The following TMEM132E variants were observed in gnomAD, a reference collection of about 807,000 sequenced individuals.
TMEM132E encodes transmembrane protein 132E.
TMEM132E carries 49 observed loss-of-function variants against 78.5 expected under a neutral mutation model. The observed-to-expected ratio is 0.62, with a 90% CI of 0.50 to 0.79. TMEM132E has a LOEUF of 0.79. TMEM132E is among the 30% of genes least tolerant of loss of function. The pLI is 0.00. For missense variants in TMEM132E, 1,403 were observed against 1,470.9 expected (o/e 0.95, Z 0.75); for synonymous variants, 715 against 670.6 (o/e 1.07, Z -1.02).
intron 1 of TMEM132E, among the ~76,000 whole-genome samples, chr17:34,608,883 G>A (rs1472526576): frequency 1.3e-5 from 2 of 152,184 alleles, no homozygotes; most frequent in African/African-American, 4.8e-5. Flanking sequence ...AGAAGGCTAA[G>A]GACAGTAAAG....
intron 1 of TMEM132E, among the ~76,000 whole-genome samples, chr17:34,613,235 A>G (rs1248849108): frequency 8.2e-6 from 1 of 121,682 alleles, no homozygotes; most frequent in Non-Finnish European, 1.8e-5. Context: ...GCGTTCTTAC[A>G]TTCTTTTTCC....
At position 34,626,795 on chromosome 17, in the gene TMEM132E, G is replaced by A. The variant is rs2142079804; in HGVS notation, c.736G>A (p.Gly246Arg). ...LHAPDASGGC[G>R]GSRRGAGPGV... is the part of the protein sequence containing the mutation. ...CGCCCCTGATGCGTCGGGGGGCTGC[G>A]GGGGCTCCCGCCGGGGGGCCGGGCC... The change falls in exon 2 of 9, where the codon GGG (glycine) becomes AGG (arginine). Residue 246 changes from glycine (G) to arginine (R), a missense_variant. Gly to Arg is a moderately radical substitution (Grantham distance 125). Coordinates refer to ENST00000631683, the MANE Select transcript of TMEM132E (RefSeq NM_001304438.2). 4 of 1,510,340 alleles carry A rather than the reference G, an allele frequency of 2.6e-6. No individual in the cohort carries two copies. The highest frequency in any genetic ancestry group is 2.0e-5 in the Admixed American group (1 of 49,994). 93.6% of individuals were successfully genotyped at this position (1,510,340 alleles called of 1,614,324 possible).
intron 1 of TMEM132E, among the ~76,000 whole-genome samples, chr17:34,584,899 C>T (rs1567709595): frequency 6.6e-6 from 1 of 152,202 alleles, no homozygotes; most frequent in Non-Finnish European, 1.5e-5. Context: ...AACGTGTCCT[C>T]ACCTCCATGA....
In TMEM132E at chr17:34,581,017, C is replaced by T. The variant is rs79263247; in HGVS notation, c.-60C>T. 226,845 of 1,444,540 alleles carry T rather than the reference C, an allele frequency of 0.16. 18,706 individuals carry two copies. Among genetic ancestry groups the T allele is most frequent in the Non-Finnish European group, 0.17 (183,049 of 1,078,040 alleles). The allele number at this position is 1,444,540 out of a possible 1,614,324, so 89.5% of individuals were successfully genotyped here. ...TGAGTTGGATGTGACCAAGCCCAGC[C>T]TGGGGCCAAGTCGTCGTCGACTGTT... On this transcript the variant is annotated 5_prime_UTR_variant, in exon 1 of 9. Coordinates refer to ENST00000631683, the MANE Select transcript of TMEM132E (RefSeq NM_001304438.2).
At chr17:34,583,977 T>C (rs1905580604) in intron 1 of TMEM132E, among the ~76,000 whole-genome samples, 1 of 152,220 alleles carries the variant, frequency 6.6e-6, no homozygotes, top group Non-Finnish European at 1.5e-5. Flanking sequence ...CACTTTCTTG[T>C]ATCTAATATT....
chr17:34,580,221 C>T lies in TMEM132E; in HGVS notation c.-856C>T, dbSNP rs1324431569. The T allele has an allele frequency of 6.6e-6, 1 of 152,394 alleles. No homozygotes were observed. The highest frequency in any genetic ancestry group is 1.5e-5 in the Non-Finnish European group (1 of 68,164). The allele number at this position is 152,394 out of a possible 1,614,324, so 9.4% of individuals were successfully genotyped here. A position where few individuals can be genotyped will look rare whatever the true frequency, so the allele number is the denominator to read the frequency against. Reference sequence around the variant, plus strand: ...GGCAGGGCGCATTAGCCGGCTTTCTCGCTCCCTCGCTTCTCCAAGCCCCAT... The same window carrying T: ...GGCAGGGCGCATTAGCCGGCTTTCTTGCTCCCTCGCTTCTCCAAGCCCCAT... On this transcript the variant is annotated 5_prime_UTR_variant, in exon 1 of 9. Coordinates refer to ENST00000631683, the MANE Select transcript of TMEM132E (RefSeq NM_001304438.2).
Position 34,634,814 on chromosome 17 carries a change from CGAGGATGAGGATGAG to C in TMEM132E, c.1710_1724del (p.Asp570_Glu574del). The stretch of plus-strand genomic sequence containing the variant: ...CCCACCCCAGGTCAGTCCGGGAAAG[CGAGGATGAGGATGAG>C]GAGGAGGAGGAGCGGCGGCAGAGTG... On this transcript the variant is annotated inframe_deletion, in exon 7 of 9. Coordinates refer to ENST00000631683, the MANE Select transcript of TMEM132E (RefSeq NM_001304438.2). 6.2e-7 allele frequency: 1 copy of C among 1,613,260 alleles called. No individual in the cohort carries two copies. The highest frequency in any genetic ancestry group is 8.5e-7 in the Non-Finnish European group (1 of 1,179,598).
intron 1 of TMEM132E, among the ~76,000 whole-genome samples, chr17:34,596,795 CT>C (rs1441769060): frequency 2.2e-5 from 3 of 134,378 alleles, no homozygotes; most frequent in Non-Finnish European, 3.1e-5. Context: ...AAGTCTTCAT[CT>C]TTTCTCTTCT....
intron 1 of TMEM132E, among the ~76,000 whole-genome samples, chr17:34,595,708 G>A (rs147407187): frequency 6.6e-6 from 1 of 152,316 alleles, no homozygotes; most frequent in Admixed American, 6.5e-5. Flanking sequence ...CCGTGTGCCT[G>A]ACTCCCAGGC....
chr17:34,607,753 CT>C (rs113434207), intron 1 of TMEM132E, among the ~76,000 whole-genome samples: 5,540 of 145,152 alleles, frequency 0.038, 296 homozygotes, highest in African/African-American at 0.12. Flanking sequence ...TCAGGAAAAT[CT>C]TTTTTTTTTT....
chr17:34,611,536 G>A lies in TMEM132E; in HGVS notation c.68-14591G>A, dbSNP rs368599639. On this transcript the variant is annotated intron_variant, in intron 1 of 8. Coordinates refer to ENST00000631683, the MANE Select transcript of TMEM132E (RefSeq NM_001304438.2). ...AGACAACTGTCAATCAATCAATATC[G>A]TGCCAAGAGAAACCAAGTATAATAA... is the stretch of plus-strand genomic sequence containing the variant. Among the ~76,000 whole-genome samples the A allele has an allele frequency of 2.0e-5, 3 of 152,164 alleles. No individual in the cohort carries two copies. The East Asian group carries it at 5.8e-4, about 30-fold the overall frequency.
chr17:34,584,288 C>A (rs1382287725), intron 1 of TMEM132E, among the ~76,000 whole-genome samples: 1 of 152,262 alleles, frequency 6.6e-6, no homozygotes, highest in Admixed American at 6.5e-5. Context: ...GCCCCTCCAT[C>A]TGGAATACTT....
At chr17:34,592,539 T>C (rs1597676436) in intron 1 of TMEM132E, among the ~76,000 whole-genome samples, 2 of 152,156 alleles carry the variant, frequency 1.3e-5, no homozygotes, top group Non-Finnish European at 2.9e-5. Flanking sequence ...GCTTGAACCC[T>C]GAAGATCCTG....
intron 5 of TMEM132E, among the ~76,000 whole-genome samples, 187 bp downstream of exon 5, chr17:34,630,338 A>T (rs1907312467): frequency 6.6e-6 from 1 of 151,974 alleles, no homozygotes; most frequent in South Asian, 2.1e-4. Flanking sequence ...CACTGGCCTT[A>T]CTTCATCCCA....
chr17:34,616,568 G>T (rs1052048065), intron 1 of TMEM132E, among the ~76,000 whole-genome samples: 6 of 152,200 alleles, frequency 3.9e-5, no homozygotes, highest in Non-Finnish European at 7.3e-5. Flanking sequence ...TTGGGAATAC[G>T]GTGGAGAGAG....
intron 1 of TMEM132E, among the ~76,000 whole-genome samples, chr17:34,582,946 C>G (rs764743257): frequency 5.9e-5 from 9 of 152,236 alleles, no homozygotes; most frequent in Non-Finnish European, 8.8e-5. Context: ...CCCACCTTCC[C>G]GATCCCTGAG....
intron 1 of TMEM132E, among the ~76,000 whole-genome samples, chr17:34,586,176 A>C (rs1905671168): frequency 6.6e-6 from 1 of 152,158 alleles, no homozygotes; most frequent in Non-Finnish European, 1.5e-5. Context: ...GATGCTAACA[A>C]GTGGAAGAAT....
Position 34,637,597 on chromosome 17 carries a change from G to C in TMEM132E, c.2590G>C (p.Val864Leu). 4 of 1,601,618 alleles carry C rather than the reference G, an allele frequency of 2.5e-6. No homozygotes were observed. The highest frequency in any genetic ancestry group is 3.4e-6 in the Non-Finnish European group (4 of 1,177,156). The change falls in exon 9 of 9, where the codon GTG becomes CTG. Residue 864 changes from valine to leucine, a missense_variant. This residue lies in a region of TMEM132E where 888 missense variants were observed against 952.8 expected (regional missense o/e 0.93). Transcript: ENST00000631683. ...AGGCCCGGGCACCGCCAGCCCCGTC[G>C]TGCCACCCACAGAAGACTTCCTGCC... Reference protein sequence around the residue: ...APGPGTASPVVPPTEDFLPLP... With the variant: ...APGPGTASPVLPPTEDFLPLP...
chr17:34,617,499 TTGAATGAA>T (rs35356399), intron 1 of TMEM132E, among the ~76,000 whole-genome samples: 4 of 152,170 alleles, frequency 2.6e-5, no homozygotes, highest in African/African-American at 7.2e-5. Flanking sequence ...CCAATAAATG[TTGAATGAA>T]TGAATGAATG....
Sources: allele counts gnomAD v4.1 joint callset (sites outside exome capture counted in the v4.1 genomes callset), GRCh38; gene constraint gnomAD v4.1.1; regional missense constraint gnomAD v4.1.1; transcripts MANE v1.5; gene names NCBI Gene and HGNC (gene_info 2026-07-23, HGNC 2026-07-21).